RXRA: variants seen among roughly 807,000 people sequenced by gnomAD.
RXRA encodes the protein retinoid X receptor alpha.
RXRA carries 5 observed loss-of-function variants against 44.5 expected under a neutral mutation model. The ratio of observed to expected loss-of-function variants is 0.11; its 90% CI spans 0.06 to 0.24. The LOEUF is 0.24. Among genes scored for constraint, RXRA ranks in the 10% least tolerant of loss-of-function variants. RXRA has a pLI of 1.00. For synonymous variants in RXRA, 291 were observed against 271.4 expected (o/e 1.07, Z -0.71); for missense variants, 412 against 646.5 (o/e 0.64, Z 3.93).
intron 1 of RXRA, among the ~76,000 whole-genome samples, chr9:134,332,940 A>G (rs986408257): frequency 3.9e-5 from 6 of 151,968 alleles, no homozygotes; most frequent in African/African-American, 1.5e-4. Context: ...GGCTTAGGCC[A>G]GGTCCCTGGG....
chr9:134,368,955 CGGGGGTTGTGTGTGT>C (rs1830452040), intron 1 of RXRA, among the ~76,000 whole-genome samples: 1 of 59,944 alleles, frequency 1.7e-5, no homozygotes, highest in African/African-American at 7.4e-5. Context: ...TGTGTGAGTG[CGGGGGTTGTGTGTGT>C]GGGGTTATGT....
intron 1 of RXRA, among the ~76,000 whole-genome samples, chr9:134,396,696 C>T (rs1330459737): frequency 2.6e-5 from 4 of 152,148 alleles, no homozygotes; most frequent in Non-Finnish European, 4.4e-5. Context: ...GATTCCCCAC[C>T]GTGGAGCCCA....
intron 1 of RXRA, among the ~76,000 whole-genome samples, chr9:134,383,763 G>T (rs1378576684): frequency 1.3e-5 from 2 of 152,162 alleles, no homozygotes; most frequent in Admixed American, 1.3e-4. Context: ...GGACGGGTAG[G>T]TGGGCTGTGA....
At position 134,326,611 on chromosome 9, in the gene RXRA, G is replaced by T; in HGVS notation, c.-21G>T. Reference sequence around the variant, plus strand: ...CCGCCCGCTGCCTGCGCCGCCGGCCGGGCATGAGTTAGTCGCAGACATGGA... The same window carrying T: ...CCGCCCGCTGCCTGCGCCGCCGGCCTGGCATGAGTTAGTCGCAGACATGGA... On this transcript the variant is annotated 5_prime_UTR_variant, in exon 1 of 10. Transcript: ENST00000481739. 1 of 958,226 alleles carries T rather than the reference G, an allele frequency of 1.0e-6. No homozygotes were observed. Among genetic ancestry groups the T allele is most frequent in the African/African-American group, 1.8e-5 (1 of 54,806 alleles). The allele number at this position is 958,226 out of a possible 1,614,324, so 59.4% of individuals were successfully genotyped here.
chr9:134,360,983 C>G (rs1231611635), intron 1 of RXRA, among the ~76,000 whole-genome samples: 1 of 152,186 alleles, frequency 6.6e-6, no homozygotes, highest in African/African-American at 2.4e-5. Context: ...GTTCAGTAAT[C>G]CAGGAGGCCT....
chr9:134,434,862 G>A lies in RXRA; in HGVS notation c.1241+655G>A, dbSNP rs1171908172. ...CCTCTTGATCCTCAGACTGTGGGGCGGGGAGGGGGTCGGGGGAGGTGGGGC... is the reference window on the plus strand; with the variant it reads ...CCTCTTGATCCTCAGACTGTGGGGCAGGGAGGGGGTCGGGGGAGGTGGGGC... On this transcript the variant is annotated intron_variant, in intron 9 of 9. Transcript: ENST00000481739. Among the ~76,000 whole-genome samples the A allele has an allele frequency of 1.7e-4, 23 of 136,834 alleles. 1 individual carries two copies. Among genetic ancestry groups the A allele is most frequent in the Admixed American group, 1.3e-3 (18 of 13,584 alleles). The allele number at this position is 136,834 out of a possible 152,430, so 89.8% of individuals were successfully genotyped here.
chr9:134,401,368 C>T (rs34255516), intron 1 of RXRA: 1 of 522,900 alleles, frequency 1.9e-6, no homozygotes, highest in Non-Finnish European at 3.4e-6. Flanking sequence ...GGCTCATTCA[C>T]AGCGGGTTCT....
At chr9:134,375,505 C>T (rs1370910872) in intron 1 of RXRA, among the ~76,000 whole-genome samples, 4 of 152,120 alleles carry the variant, frequency 2.6e-5, no homozygotes, top group East Asian at 1.9e-4. Flanking sequence ...GGTCCTGGCC[C>T]GGAATAAACC....
At chr9:134,341,707 G>A (rs1830088566) in intron 1 of RXRA, among the ~76,000 whole-genome samples, 1 of 152,098 alleles carries the variant, frequency 6.6e-6, no homozygotes, top group Admixed American at 6.5e-5. Flanking sequence ...AGGGCGGCTG[G>A]CCTCTTCCCG....
In RXRA at chr9:134,436,658, G is replaced by A; in HGVS notation, c.*44G>A. 6.2e-7 allele frequency: 1 copy of A among 1,608,858 alleles called. No individual in the cohort carries two copies. The highest frequency in any genetic ancestry group is 1.1e-5 in the South Asian group (1 of 90,760). On this transcript the variant is annotated 3_prime_UTR_variant, in exon 10 of 10. Coordinates refer to ENST00000481739, the MANE Select transcript of RXRA (RefSeq NM_002957.6). ...TGTGCCCACCCGTTCTGGCCACCCT[G>A]CCTGGACGCCAGCTGTTCTTCTCAG...
chr9:134,384,732 A>C (rs1830694257), intron 1 of RXRA, among the ~76,000 whole-genome samples: 2 of 152,170 alleles, frequency 1.3e-5, no homozygotes, highest in African/African-American at 4.8e-5. Context: ...TCTGTCTTCC[A>C]GGAGGAAAGG....
intron 9 of RXRA, among the ~76,000 whole-genome samples, chr9:134,434,873 C>CGGGGGGG (rs1831591429): frequency 9.2e-6 from 1 of 108,866 alleles, no homozygotes; most frequent in Admixed American, 9.3e-5. Flanking sequence ...GGGAGGGGGT[C>CGGGGGGG]GGGGGAGGTG....
intron 1 of RXRA, among the ~76,000 whole-genome samples, chr9:134,371,064 G>C (rs1226783530): frequency 6.6e-6 from 1 of 152,168 alleles, no homozygotes; most frequent in East Asian, 1.9e-4. Flanking sequence ...GCTGGCAGGT[G>C]GGTCACCCTC....
intron 4 of RXRA, among the ~76,000 whole-genome samples, chr9:134,412,471 G>C (rs1425595079): frequency 1.3e-5 from 2 of 152,184 alleles, no homozygotes; most frequent in Non-Finnish European, 2.9e-5. Flanking sequence ...CTCTGCCCCC[G>C]GCAAAGGCCC....
Position 134,440,104 on chromosome 9 carries a change from TC to T in RXRA, c.*3491del, listed in dbSNP as rs1473472063. ...CATCTGGAAAGGTAAAAAAAAAAAA[TC>T]TATTTTTGTACAAATGTAATTTTAT... On this transcript the variant is annotated 3_prime_UTR_variant, in exon 10 of 10. Coordinates refer to ENST00000481739, the MANE Select transcript of RXRA (RefSeq NM_002957.6). 5 of 151,256 alleles carry T rather than the reference TC, an allele frequency of 3.3e-5. No individual in the cohort carries two copies. The East Asian group carries it at 7.8e-4, about 24-fold the overall frequency. 9.4% of individuals were successfully genotyped at this position (151,256 alleles called of 1,614,324 possible). A position where few individuals can be genotyped will look rare whatever the true frequency, so the allele number is the denominator to read the frequency against.
intron 1 of RXRA, among the ~76,000 whole-genome samples, chr9:134,344,350 T>C (rs782221538): frequency 1.4e-4 from 21 of 152,182 alleles, no homozygotes; most frequent in Non-Finnish European, 2.9e-4. Context: ...GAGAGACTTG[T>C]GGGGTGCAGC....
intron 1 of RXRA, among the ~76,000 whole-genome samples, chr9:134,373,345 G>A (rs116626109): frequency 6.6e-6 from 1 of 152,120 alleles, no homozygotes; most frequent in African/African-American, 2.4e-5. Context: ...TGTGGTCCAC[G>A]CCCGACTGTC....
At chr9:134,360,664 A>G (rs1040920809) in intron 1 of RXRA, among the ~76,000 whole-genome samples, 3 of 152,228 alleles carry the variant, frequency 2.0e-5, no homozygotes, top group African/African-American at 7.2e-5. Flanking sequence ...CATGGGGGAC[A>G]TGGTGGCCAC....
At chr9:134,360,274 GACAGGC>G (rs1057443610) in intron 1 of RXRA, among the ~76,000 whole-genome samples, 1 of 152,210 alleles carries the variant, frequency 6.6e-6, no homozygotes, top group African/African-American at 2.4e-5. Context: ...CTGAGCCGGT[GACAGGC>G]TGCGGACTGG....
Sources: allele counts gnomAD v4.1 joint callset (sites outside exome capture counted in the v4.1 genomes callset), GRCh38; gene constraint gnomAD v4.1.1; transcripts MANE v1.5; gene names NCBI Gene and HGNC (gene_info 2026-07-23, HGNC 2026-07-21).